SMC6: variants seen among roughly 807,000 people sequenced by gnomAD.
SMC6 encodes the protein structural maintenance of chromosomes protein 6.
SMC6 carries 79 observed loss-of-function variants against 142.2 expected under a neutral mutation model. That is an observed-to-expected ratio of 0.56 (90% CI 0.46 to 0.67). The LOEUF (loss-of-function observed/expected upper bound fraction) is 0.67. SMC6 is among the 30% of genes least tolerant of loss of function. The pLI, the probability that SMC6 is intolerant of heterozygous loss-of-function variation, is 0.00. For synonymous variants in SMC6, 411 were observed against 412.4 expected (o/e 1.00, Z 0.04); for missense variants, 1,072 against 1,284.0 (o/e 0.83, Z 2.52).
chr2:17,682,521 G>T (rs1385143700), intron 24 of SMC6, among the ~76,000 whole-genome samples: 1 of 152,212 alleles, frequency 6.6e-6, no homozygotes, highest in Non-Finnish European at 1.5e-5. Flanking sequence ...CTGAGTACTG[G>T]TCAGTGCATA....
At chr2:17,695,834 T>C (rs1667960013) in intron 22 of SMC6, among the ~76,000 whole-genome samples, 1 of 152,204 alleles carries the variant, frequency 6.6e-6, no homozygotes, top group African/African-American at 2.4e-5. Flanking sequence ...TTGGAATCCA[T>C]CTGTTCTGGT....
intron 7 of SMC6, among the ~76,000 whole-genome samples, chr2:17,729,968 G>A (rs1224184512): frequency 6.6e-6 from 1 of 152,124 alleles, no homozygotes. Context: ...CTGGAAAAGA[G>A]ACCCAGACCC....
At chr2:17,715,133 T>A in intron 15 of SMC6, 68 bp from the exon 16 acceptor site, 1 of 1,401,438 alleles carries the variant, frequency 7.1e-7, no homozygotes, top group Non-Finnish European at 9.9e-7. Context: ...ATCCTCCTCT[T>A]TAATTATAGC....
At chr2:17,666,819 C>T (rs1391221361) in intron 26 of SMC6, among the ~76,000 whole-genome samples, 1 of 70,254 alleles carries the variant, frequency 1.4e-5, no homozygotes, top group African/African-American at 6.9e-5. Context: ...CCTGTCTCTA[C>T]CAAAAAAAAA....
rs766996819 is a variant in SMC6 at position 17,678,847 on chromosome 2, T to C, written c.2910+12A>G. On this transcript the variant is annotated intron_variant, in intron 25 of 27. Coordinates refer to ENST00000448223, the MANE Select transcript of SMC6 (RefSeq NM_001142286.2). ...TTCTAATGATTAGGATGAAAAGAAT[T>C]AGGATACTTACTGATATACTTAGAG... is the stretch of plus-strand genomic sequence containing the variant. The C allele has an allele frequency of 1.4e-5, 22 of 1,532,066 alleles. No individual in the cohort carries two copies. The highest frequency in any genetic ancestry group is 1.8e-6 in the Non-Finnish European group (2 of 1,116,562). The allele number at this position is 1,532,066 out of a possible 1,614,324, so 94.9% of individuals were successfully genotyped here.
intron 23 of SMC6, among the ~76,000 whole-genome samples, chr2:17,690,969 G>A (rs115139019): frequency 0.016 from 2,483 of 151,266 alleles, 34 homozygotes; most frequent in Non-Finnish European, 0.027. Flanking sequence ...AAAAAAAAAC[G>A]CTGAGTACAT....
In SMC6 at chr2:17,678,964, C is replaced by T; in HGVS notation, c.2805G>A (p.Arg935=). The change falls in exon 25 of 28, where the codon AGG becomes AGA. Residue 935 remains arginine (R), a splice_region_variant and synonymous_variant. Transcript: ENST00000448223. ...ATAATTTGCATCGTAAAGTCAAACA[C>T]CTTGAAATTTAAAAATTAGGCACAT... ...HRFKTYQQFR[R]CLTLRCKLYF... The T allele has an allele frequency of 6.2e-7, 1 of 1,604,500 alleles. No individual in the cohort carries two copies. The highest frequency in any genetic ancestry group is 8.5e-7 in the Non-Finnish European group (1 of 1,174,794).
At chr2:17,748,093 G>C (rs982440643) in intron 2 of SMC6, among the ~76,000 whole-genome samples, 1 of 152,168 alleles carries the variant, frequency 6.6e-6, no homozygotes, top group South Asian at 2.1e-4. Flanking sequence ...GGCACAGCTA[G>C]GAAGCAATAA....
At chr2:17,717,967 C>A in intron 12 of SMC6, 110 bp downstream of exon 12, 1 of 1,136,270 alleles carries the variant, frequency 8.8e-7, no homozygotes, top group Non-Finnish European at 1.2e-6. Flanking sequence ...GCCTGGGTGA[C>A]AGAGCAAGAC....
chr2:17,691,739 A>G (rs964181042), intron 23 of SMC6, among the ~76,000 whole-genome samples: 1 of 152,140 alleles, frequency 6.6e-6, no homozygotes, highest in African/African-American at 2.4e-5. Context: ...AGAAGGAAAT[A>G]AAGGGTATTC....
chr2:17,733,250 G>A (rs1669993168), intron 5 of SMC6, among the ~76,000 whole-genome samples: 1 of 152,242 alleles, frequency 6.6e-6, no homozygotes, highest in Admixed American at 6.5e-5. Context: ...ACACAGTGAA[G>A]TGTTTGCTCT....
At chr2:17,731,038 AG>A (rs1558370578) in intron 7 of SMC6, 39 bp downstream of exon 7, 1 of 1,500,078 alleles carries the variant, frequency 6.7e-7, no homozygotes, top group South Asian at 1.1e-5. Context: ...AAAAATGACA[AG>A]GTGTATGAAT....
chr2:17,703,558 TG>T (rs5829603), intron 18 of SMC6, among the ~76,000 whole-genome samples: 3,811 of 152,278 alleles, frequency 0.025, 121 homozygotes, highest in African/African-American at 0.073. Context: ...TTGAAATATG[TG>T]GGTCCACTTA....
intron 18 of SMC6, among the ~76,000 whole-genome samples, chr2:17,703,525 T>A (rs1813578): frequency 0.013 from 1,910 of 152,094 alleles, 20 homozygotes; most frequent in East Asian, 0.031. Context: ...ACAAGTAGAG[T>A]TGACTCTTGA....
At chr2:17,672,980 C>T (rs767756805) in intron 25 of SMC6, among the ~76,000 whole-genome samples, 2 of 152,112 alleles carry the variant, frequency 1.3e-5, no homozygotes. Context: ...TAACAGACAT[C>T]GACAGAGAGG....
At position 17,700,218 on chromosome 2, in the gene SMC6, T is replaced by C. The variant is rs780866103; in HGVS notation, c.2384A>G (p.Asp795Gly). Residue 795 changes from aspartate (D) to glycine (G), a missense_variant, in exon 21 of 28, where the codon GAC (aspartate) becomes GGC (glycine). Asp to Gly is a moderately conservative substitution (Grantham distance 94). Around this residue, in one of 3 missense-constraint regions of SMC6, gnomAD observed 994 missense variants for 1,153.2 expected, o/e 0.86. Coordinates refer to ENST00000448223, the MANE Select transcript of SMC6 (RefSeq NM_001142286.2). ...ACCAAAAATATATACCTTAAGTGGGTCTGCTAGCTCCGATAGTTGATTAAT... is the reference window on the plus strand; with the variant it reads ...ACCAAAAATATATACCTTAAGTGGGCCTGCTAGCTCCGATAGTTGATTAAT... ...FKINQLSELA[D>G]PLKDELNLAD... The C allele has an allele frequency of 6.2e-7, 1 of 1,600,342 alleles. No homozygotes were observed. The highest frequency in any genetic ancestry group is 8.5e-7 in the Non-Finnish European group (1 of 1,173,502).
intron 2 of SMC6, among the ~76,000 whole-genome samples, chr2:17,747,911 A>G (rs557734996): frequency 6.6e-6 from 1 of 152,342 alleles, no homozygotes; most frequent in East Asian, 1.9e-4. Context: ...CTGTACACTC[A>G]TAAGTGAATG....
intron 16 of SMC6, among the ~76,000 whole-genome samples, chr2:17,712,183 T>C (rs1016636369): frequency 6.6e-6 from 1 of 152,172 alleles, no homozygotes; most frequent in African/African-American, 2.4e-5. Context: ...AACAAGGAAA[T>C]AACTGGAGAA....
chr2:17,738,070 G>A (rs962015311), intron 5 of SMC6, 151 bp downstream of exon 5: 3 of 599,358 alleles, frequency 5.0e-6, no homozygotes, highest in Admixed American at 5.9e-5. Flanking sequence ...CAGCAACAAG[G>A]GGTAAAAGAA....
Sources: gnomAD v4.1 joint callset for allele counts (sites outside exome capture counted in the v4.1 genomes callset) on GRCh38, gnomAD v4.1.1 for gene constraint, gnomAD v4.1.1 regional missense constraint, MANE v1.5 for transcripts, NCBI Gene and HGNC (gene_info 2026-07-23, HGNC 2026-07-21) for gene names.